Variants in BET1 observed in about 807,000 individuals in gnomAD.
BET1 encodes Bet1 golgi vesicular membrane trafficking protein.
In BET1, 9 loss-of-function variants were observed where a neutral mutation model predicts 13.9. The observed-to-expected ratio is 0.65, with a 90% CI of 0.39 to 1.13. BET1 has a LOEUF of 1.13. BET1 is among the 50% of genes most tolerant of loss of function. BET1 has a pLI of 0.01. For synonymous variants in BET1, 39 were observed against 47.3 expected, an observed-to-expected ratio of 0.82 and a Z score of 0.72; for missense variants, 127 against 133.6, an observed-to-expected ratio of 0.95 and a Z score of 0.24.
At chr7:93,982,498 T>A (rs762009639) in intron 4 of BET1, among the ~76,000 whole-genome samples, 1 of 152,194 alleles carries the variant, frequency 6.6e-6, no homozygotes, top group Non-Finnish European at 1.5e-5. Context: ...AGATACTATG[T>A]TGGGCTTGGA....
chr7:93,965,993 G>T (rs556407955), intron 6 of BET1, among the ~76,000 whole-genome samples: 78 of 152,036 alleles, frequency 5.1e-4, no homozygotes, highest in African/African-American at 1.8e-3. Context: ...CGCCACCACT[G>T]ACTAAGTACT....
rs1408715682 is a variant in BET1 at position 94,004,252 on chromosome 7, G to A, written c.-36C>T. 14 of 1,613,966 alleles carry A rather than the reference G, an allele frequency of 8.7e-6. No individual in the cohort carries two copies. In the East Asian group the frequency reaches 3.1e-4, roughly 36 times the overall value. Reference sequence around the variant, plus strand: ...GAGAGAGAGAAAAGGCGGGTGCGGGGCTTTGGGTGAGTAGGAAACAGCTAG... The same window carrying A: ...GAGAGAGAGAAAAGGCGGGTGCGGGACTTTGGGTGAGTAGGAAACAGCTAG... On this transcript the variant is annotated 5_prime_UTR_variant, in exon 1 of 4. Transcript: ENST00000222547.
At position 93,993,708 on chromosome 7, in the gene BET1, G is replaced by C. The variant is rs939117973; in HGVS notation, c.*522C>G. On this transcript the variant is annotated 3_prime_UTR_variant, in exon 4 of 4. Coordinates refer to ENST00000222547, the MANE Select transcript of BET1 (RefSeq NM_005868.6). ...GGGTCATTATCATCAAAAATTATTA[G>C]GAAGATTGTAGGTAAAAAGAAATCA... 3 of 1,354,660 alleles carry C rather than the reference G, an allele frequency of 2.2e-6. No individual in the cohort carries two copies. The highest frequency in any genetic ancestry group is 2.8e-6 in the Non-Finnish European group (3 of 1,059,304). 83.9% of individuals were successfully genotyped at this position (1,354,660 alleles called of 1,614,324 possible).
chr7:93,983,026 A>T (rs1222910767), intron 4 of BET1, among the ~76,000 whole-genome samples: 2 of 152,294 alleles, frequency 1.3e-5, no homozygotes, highest in East Asian at 3.9e-4. Flanking sequence ...TCCCTCTTCT[A>T]GATCCAAAGT....
At chr7:93,977,835 C>T (rs1449468486) in intron 4 of BET1, among the ~76,000 whole-genome samples, 1 of 152,032 alleles carries the variant, frequency 6.6e-6, no homozygotes, top group East Asian at 1.9e-4. Flanking sequence ...CTTTAATGAC[C>T]ACCCCATCAT....
chr7:93,966,373 T>C (rs540677424), intron 6 of BET1, among the ~76,000 whole-genome samples: 14 of 152,124 alleles, frequency 9.2e-5, no homozygotes, highest in African/African-American at 3.1e-4. Flanking sequence ...GGTTCATACA[T>C]GAAATACTTT....
intron 3 of BET1, among the ~76,000 whole-genome samples, chr7:93,995,182 GCTGA>G (rs1202762710): frequency 6.6e-6 from 1 of 152,096 alleles, no homozygotes; most frequent in African/African-American, 2.4e-5. Context: ...TGTTTAGACA[GCTGA>G]CTTTGAAGTA....
chr7:93,997,359 A>T (rs1049939503), intron 2 of BET1, among the ~76,000 whole-genome samples: 1 of 152,204 alleles, frequency 6.6e-6, no homozygotes, highest in African/African-American at 2.4e-5. Flanking sequence ...GACTGCCCAC[A>T]TTACTCAACT....
In BET1 at chr7:93,988,184, C is replaced by A. The variant is rs1331429614; in HGVS notation, c.235+6168G>T. On this transcript the variant is annotated intron_variant and NMD_transcript_variant, in intron 4 of 6. Coordinates refer to the BET1 transcript ENST00000357520. The stretch of plus-strand genomic sequence containing the variant: ...CACTTGTTGGGATCTACTACTGTGC[C>A]AAGTGCTTAATGGAAAACACAGGTG... Among the ~76,000 whole-genome samples the A allele has an allele frequency of 2.0e-5, 3 of 152,228 alleles. No homozygotes were observed. The East Asian group carries it at 5.8e-4, about 29-fold the overall frequency.
intron 4 of BET1, among the ~76,000 whole-genome samples, chr7:93,986,079 T>C (rs1293377118): frequency 2.0e-5 from 3 of 152,158 alleles, no homozygotes; most frequent in African/African-American, 7.2e-5. Context: ...ATAATGAGAG[T>C]TGATGGTAGC....
chr7:93,965,750 A>G (rs1327854862), intron 6 of BET1: 1 of 152,134 alleles, frequency 6.6e-6, no homozygotes, highest in African/African-American at 2.4e-5. Flanking sequence ...GAAGCTTAAA[A>G]TATATTATTG....
chr7:93,973,659 G>A (rs1192604173), intron 5 of BET1, among the ~76,000 whole-genome samples: 1 of 152,012 alleles, frequency 6.6e-6, no homozygotes, highest in Non-Finnish European at 1.5e-5. Flanking sequence ...GATAAGAGAG[G>A]TCTATAGGCT....
intron 4 of BET1, among the ~76,000 whole-genome samples, chr7:93,980,820 A>G (rs929649633): frequency 1.3e-5 from 2 of 152,174 alleles, no homozygotes; most frequent in African/African-American, 4.8e-5. Flanking sequence ...GGAAGAAGTA[A>G]AACTGTCTGT....
At chr7:93,979,286 C>A (rs1362413807) in intron 4 of BET1, among the ~76,000 whole-genome samples, 1 of 152,154 alleles carries the variant, frequency 6.6e-6, no homozygotes, top group Non-Finnish European at 1.5e-5. Context: ...GTCTAACACA[C>A]AGGCCTAGCT....
intron 5 of BET1, among the ~76,000 whole-genome samples, chr7:93,975,041 C>A (rs569865787): frequency 6.6e-6 from 1 of 151,982 alleles, no homozygotes; most frequent in Admixed American, 6.6e-5. Context: ...CAAATAGAAC[C>A]AAATTGATGG....
intron 1 of BET1, among the ~76,000 whole-genome samples, chr7:94,000,796 C>A (rs1795886683): frequency 6.6e-6 from 1 of 152,092 alleles, no homozygotes; most frequent in African/African-American, 2.4e-5. Context: ...AAAGCAGATT[C>A]AACAGTGACT....
chr7:94,002,563 C>G (rs1175275973), intron 1 of BET1, among the ~76,000 whole-genome samples: 5 of 151,158 alleles, frequency 3.3e-5, no homozygotes, highest in Non-Finnish European at 5.9e-5. Context: ...GTCCAGGTAA[C>G]AATACTTTAA....
At position 93,978,253 on chromosome 7, in the gene BET1, C is replaced by A. The variant is rs184172812; in HGVS notation, c.236-2153G>T. On this transcript the variant is annotated intron_variant and NMD_transcript_variant, in intron 4 of 6. Coordinates refer to the BET1 transcript ENST00000357520. ...CCCGGTTAATTTTGTATTTTTTTGT[C>A]GAGAGGGGTTTTGCTATGTGGCCCA... Among the ~76,000 whole-genome samples, 399 of 152,026 alleles carry A rather than the reference C, an allele frequency of 2.6e-3. 1 individual carries two copies. Among genetic ancestry groups the A allele is most frequent in the Non-Finnish European group, 4.1e-3 (281 of 67,932 alleles).
chr7:93,973,773 C>T lies in BET1; in HGVS notation c.*49-1110G>A, dbSNP rs75860713. 2.0e-3 allele frequency among the ~76,000 whole-genome samples: 303 copies of T among 152,068 alleles called. 1 individual carries two copies. Among genetic ancestry groups the T allele is most frequent in the African/African-American group, 6.6e-3 (274 of 41,532 alleles). On this transcript the variant is annotated intron_variant and NMD_transcript_variant, in intron 5 of 6. Coordinates refer to the BET1 transcript ENST00000357520. ...CTGCATACAAATACTGAATTATATGCTACATAAAGGTTTTAAAATGCACCA... is the reference window on the plus strand; with the variant it reads ...CTGCATACAAATACTGAATTATATGTTACATAAAGGTTTTAAAATGCACCA...
Sources: gnomAD v4.1 joint callset for allele counts (sites outside exome capture counted in the v4.1 genomes callset) on GRCh38, gnomAD v4.1.1 for gene constraint, MANE v1.5 for transcripts, NCBI Gene and HGNC (gene_info 2026-07-23, HGNC 2026-07-21) for gene names.